The following PTPRK variants were observed in gnomAD, a reference collection of about 807,000 sequenced individuals.
PTPRK encodes receptor-type tyrosine-protein phosphatase kappa.
PTPRK carries 75 observed loss-of-function variants against 178.0 expected under a neutral mutation model. The observed-to-expected ratio is 0.42, with a 90% CI of 0.35 to 0.51. The LOEUF is 0.51. Among genes scored for constraint, PTPRK ranks in the 20% least tolerant of loss-of-function variants. PTPRK has a pLI of 0.02. For missense variants in PTPRK, 1,441 were observed against 1,797.8 expected (o/e 0.80, Z 3.59); for synonymous variants, 637 against 620.6 (o/e 1.03, Z -0.39).
At chr6:128,115,612 T>C (rs1040946816) in intron 7 of PTPRK, among the ~76,000 whole-genome samples, 2 of 152,100 alleles carry the variant, frequency 1.3e-5, no homozygotes, top group African/African-American at 4.8e-5. Context: ...AGATGCTTTT[T>C]TCCATCATTA....
At chr6:128,105,478 G>T (rs1415698548) in intron 7 of PTPRK, among the ~76,000 whole-genome samples, 2 of 152,176 alleles carry the variant, frequency 1.3e-5, no homozygotes, top group Non-Finnish European at 2.9e-5. Context: ...GAGTAAGAAA[G>T]CGATGAATAT....
chr6:128,383,414 C>T (rs921651872), intron 2 of PTPRK, among the ~76,000 whole-genome samples: 3 of 152,130 alleles, frequency 2.0e-5, no homozygotes, highest in Non-Finnish European at 4.4e-5. Flanking sequence ...TGACCAGATC[C>T]ATCCTATTCA....
chr6:128,240,911 G>T (rs1430538495), intron 4 of PTPRK, among the ~76,000 whole-genome samples: 1 of 152,190 alleles, frequency 6.6e-6, no homozygotes, highest in Admixed American at 6.5e-5. Context: ...TATATAAACA[G>T]CAAAAGCTAA....
chr6:128,125,605 T>C (rs1793226103), intron 7 of PTPRK, among the ~76,000 whole-genome samples: 1 of 122,946 alleles, frequency 8.1e-6, no homozygotes, highest in Non-Finnish European at 1.8e-5. Context: ...GGCTTTTCTT[T>C]TTTTTTTTTT....
At chr6:128,085,458 T>C (rs1785604088) in intron 8 of PTPRK, among the ~76,000 whole-genome samples, 1 of 152,206 alleles carries the variant, frequency 6.6e-6, no homozygotes, top group Admixed American at 6.5e-5. Flanking sequence ...GTATCTCTCA[T>C]AGAAGGTGGC....
At chr6:128,281,441 C>T (rs1023030366) in intron 3 of PTPRK, among the ~76,000 whole-genome samples, 1 of 152,136 alleles carries the variant, frequency 6.6e-6, no homozygotes, top group African/African-American at 2.4e-5. Flanking sequence ...GTGAAAGGGG[C>T]AAAGGCTGAA....
chr6:128,464,298 G>A (rs1418145522), intron 1 of PTPRK, among the ~76,000 whole-genome samples: 3 of 151,864 alleles, frequency 2.0e-5, no homozygotes, highest in Admixed American at 6.6e-5. Flanking sequence ...TCTCTAGATG[G>A]AAAGAAAATA....
intron 1 of PTPRK, among the ~76,000 whole-genome samples, chr6:128,460,016 A>C (rs2128411416): frequency 6.6e-6 from 1 of 152,270 alleles, no homozygotes. Flanking sequence ...AGATCTCATG[A>C]GAACTCTACC....
At chr6:128,170,889 C>A (rs1468220597) in intron 7 of PTPRK, among the ~76,000 whole-genome samples, 2 of 150,956 alleles carry the variant, frequency 1.3e-5, no homozygotes, top group Non-Finnish European at 3.0e-5. Flanking sequence ...TAGACATAAG[C>A]CCTAGTAAGA....
intron 1 of PTPRK, among the ~76,000 whole-genome samples, chr6:128,488,316 T>C (rs1853265286): frequency 6.6e-6 from 1 of 152,224 alleles, no homozygotes. Flanking sequence ...TTAGGTGGTG[T>C]CCACCCAGAC....
chr6:128,048,447 C>T (rs924775127), intron 13 of PTPRK, among the ~76,000 whole-genome samples: 3 of 152,146 alleles, frequency 2.0e-5, no homozygotes, highest in African/African-American at 7.2e-5. Context: ...GCCTCTAATG[C>T]TCCTGCCCTA....
intron 2 of PTPRK, among the ~76,000 whole-genome samples, chr6:128,347,125 A>C (rs1171920644): frequency 6.6e-6 from 1 of 152,140 alleles, no homozygotes; most frequent in Non-Finnish European, 1.5e-5. Context: ...CTAATAAATG[A>C]ATAATATAAT....
intron 16 of PTPRK, among the ~76,000 whole-genome samples, chr6:127,997,979 A>G (rs1377556543): frequency 6.6e-6 from 1 of 152,078 alleles, no homozygotes; most frequent in Admixed American, 6.5e-5. Flanking sequence ...TGGGTAGTGG[A>G]CTGGCTTCCT....
intron 1 of PTPRK, chr6:128,518,792 T>G (rs1236125236): frequency 2.9e-6 from 1 of 345,940 alleles, no homozygotes; most frequent in East Asian, 7.9e-5. Context: ...GCTTTTCCTC[T>G]GCGTGCTGCC....
chr6:128,004,095 T>C (rs1289507861), intron 15 of PTPRK, among the ~76,000 whole-genome samples: 1 of 151,870 alleles, frequency 6.6e-6, no homozygotes, highest in Non-Finnish European at 1.5e-5. Flanking sequence ...CATATGTTCA[T>C]AGTTTGTACA....
intron 11 of PTPRK, among the ~76,000 whole-genome samples, chr6:128,071,384 T>C (rs1782797676): frequency 6.6e-6 from 1 of 152,042 alleles, no homozygotes; most frequent in Non-Finnish European, 1.5e-5. Flanking sequence ...TACTCCCTTT[T>C]GCTTTTACAC....
At chr6:128,345,033 ATTTTTTTT>A (rs66515832) in intron 2 of PTPRK, among the ~76,000 whole-genome samples, 1 of 144,866 alleles carries the variant, frequency 6.9e-6, no homozygotes, top group Admixed American at 6.8e-5. Flanking sequence ...AAGCCAGGTG[ATTTTTTTT>A]TTTTTTTTTT....
intron 2 of PTPRK, among the ~76,000 whole-genome samples, chr6:128,356,657 C>A (rs1438950948): frequency 6.6e-6 from 1 of 152,054 alleles, no homozygotes; most frequent in African/African-American, 2.4e-5. Flanking sequence ...ATTTAGGTTT[C>A]TTTTCTTTCT....
chr6:128,144,900 A>G (rs1418144513), intron 7 of PTPRK, among the ~76,000 whole-genome samples: 4 of 152,168 alleles, frequency 2.6e-5, no homozygotes, highest in East Asian at 1.9e-4. Context: ...TTTTGTCACA[A>G]TAACATATGT....
Sources: allele counts gnomAD v4.1 joint callset (sites outside exome capture counted in the v4.1 genomes callset), GRCh38; gene constraint gnomAD v4.1.1; transcripts MANE v1.5; gene names NCBI Gene and HGNC (gene_info 2026-07-23, HGNC 2026-07-21).